Variants in NTRK2 observed in about 807,000 individuals in gnomAD.
NTRK2 encodes BDNF/NT-3 growth factors receptor.
NTRK2 carries 13 observed loss-of-function variants against 94.5 expected under a neutral mutation model. That is an observed-to-expected ratio of 0.14 (90% CI 0.09 to 0.22). The LOEUF is 0.22. Ranked by LOEUF, NTRK2 falls within the 10% of genes least tolerant of loss-of-function variation. The pLI is 1.00. For missense variants in NTRK2, 639 were observed against 1,071.2 expected (o/e 0.60, Z 5.63); for synonymous variants, 372 against 407.4 (o/e 0.91, Z 1.05).
chr9:84,959,924 T>C (rs1253068899), intron 17 of NTRK2, among the ~76,000 whole-genome samples: 2 of 152,202 alleles, frequency 1.3e-5, no homozygotes, highest in Admixed American at 1.3e-4. Flanking sequence ...ATGCTTAAAA[T>C]GTATGTGATC....
At chr9:84,803,454 G>A (rs2070736841) in intron 12 of NTRK2, among the ~76,000 whole-genome samples, 1 of 152,208 alleles carries the variant, frequency 6.6e-6, no homozygotes, top group Non-Finnish European at 1.5e-5. Flanking sequence ...ACCTTGGTCT[G>A]GGAGCAGGAG....
chr9:84,897,481 C>T (rs987472151), intron 14 of NTRK2, among the ~76,000 whole-genome samples: 2 of 152,146 alleles, frequency 1.3e-5, no homozygotes, highest in African/African-American at 4.8e-5. Context: ...CCCAGGGGTT[C>T]CCCCTGTGGT....
intron 5 of NTRK2, 132 bp from the exon 6 acceptor site, chr9:84,710,505 T>C: frequency 2.3e-6 from 2 of 881,244 alleles, no homozygotes; most frequent in Non-Finnish European, 3.7e-6. Flanking sequence ...AGTACTGTCA[T>C]GCTATGAAAG....
chr9:84,819,570 A>G (rs1178010923), intron 12 of NTRK2, among the ~76,000 whole-genome samples: 3 of 152,206 alleles, frequency 2.0e-5, no homozygotes, highest in South Asian at 2.1e-4. Flanking sequence ...TGCCACGTCT[A>G]ATTACATGCA....
At chr9:84,820,169 C>CTTTTT (rs902886137) in intron 12 of NTRK2, among the ~76,000 whole-genome samples, 14 of 132,506 alleles carry the variant, frequency 1.1e-4, no homozygotes, top group South Asian at 2.4e-4. Context: ...TTCTTTCTTT[C>CTTTTT]TTTTTTTTTT....
intron 12 of NTRK2, among the ~76,000 whole-genome samples, chr9:84,787,942 C>A (rs1407884560): frequency 1.3e-5 from 2 of 152,122 alleles, no homozygotes; most frequent in African/African-American, 4.8e-5. Context: ...TGTTATTCAC[C>A]TTTCTGTGCC....
At chr9:84,898,471 T>C (rs1053317812) in intron 14 of NTRK2, among the ~76,000 whole-genome samples, 1 of 151,792 alleles carries the variant, frequency 6.6e-6, no homozygotes, top group Admixed American at 6.6e-5. Context: ...GGTTATCTAG[T>C]GTTTTCAGTT....
At chr9:84,994,965 C>A (rs1829560678) in intron 17 of NTRK2, among the ~76,000 whole-genome samples, 1 of 152,134 alleles carries the variant, frequency 6.6e-6, no homozygotes. Flanking sequence ...AAAACATGCT[C>A]CAACTGAGGA....
intron 12 of NTRK2, among the ~76,000 whole-genome samples, chr9:84,763,427 C>T (rs2132682819): frequency 6.6e-6 from 1 of 152,192 alleles, no homozygotes; most frequent in East Asian, 1.9e-4. Context: ...CATCTTCTTC[C>T]ACATACTTTT....
chr9:84,745,906 T>C (rs556378016), intron 11 of NTRK2, among the ~76,000 whole-genome samples: 15 of 152,268 alleles, frequency 9.9e-5, no homozygotes, highest in African/African-American at 3.6e-4. Flanking sequence ...GGAAGTCACA[T>C]GATCCCAGGG....
chr9:84,802,992 C>T (rs557351638), intron 12 of NTRK2, among the ~76,000 whole-genome samples: 32 of 152,224 alleles, frequency 2.1e-4, no homozygotes, highest in African/African-American at 7.2e-4. Context: ...GTATGCCTCC[C>T]AGGATCTGAT....
rs202197303 is a variant in NTRK2 at position 84,873,007 on chromosome 9, C to T, written c.1633+5576C>T. The T allele has an allele frequency of 2.4e-5, 25 of 1,063,622 alleles. No homozygotes were observed. The African/African-American group carries it at 3.6e-4, about 15-fold the overall frequency. The allele number at this position is 1,063,622 out of a possible 1,614,324, so 65.9% of individuals were successfully genotyped here. On this transcript the variant is annotated intron_variant, in intron 14 of 18. Transcript: ENST00000277120. ...CATATTTGCAACATTACTTTGAGTA[C>T]ACATGAGCAAAAATTCTGAATTACA... is the stretch of plus-strand genomic sequence containing the variant.
intron 14 of NTRK2, among the ~76,000 whole-genome samples, chr9:84,903,571 G>A (rs536224153): frequency 3.9e-4 from 59 of 152,268 alleles, no homozygotes; most frequent in African/African-American, 1.2e-3. Flanking sequence ...TAGGAAAGGA[G>A]GCCAGATAGG....
chr9:84,798,912 C>CTA (rs57167822), intron 12 of NTRK2, among the ~76,000 whole-genome samples: 3,230 of 127,894 alleles, frequency 0.025, 78 homozygotes, highest in Non-Finnish European at 0.031. Flanking sequence ...CTTCTAAGTG[C>CTA]TATATATATA....
intron 4 of NTRK2, among the ~76,000 whole-genome samples, chr9:84,707,178 T>C (rs2061157453): frequency 6.6e-6 from 1 of 152,304 alleles, no homozygotes; most frequent in Non-Finnish European, 1.5e-5. Context: ...TTTTTTTTAG[T>C]CACAAATATA....
chr9:84,869,830 G>A lies in NTRK2; in HGVS notation c.1633+2399G>A, dbSNP rs566614116. Among the ~76,000 whole-genome samples the A allele has an allele frequency of 1.4e-4, 22 of 151,736 alleles. No homozygotes were observed. The South Asian group carries it at 4.6e-3, about 32-fold the overall frequency. On this transcript the variant is annotated intron_variant, in intron 14 of 18. Coordinates refer to ENST00000277120, the MANE Select transcript of NTRK2 (RefSeq NM_006180.6). ...AAGATGACTCATAATCATTTTCATT[G>A]GTTTTATTCCTATCAAACTTGCCTA... is the stretch of plus-strand genomic sequence containing the variant.
intron 17 of NTRK2, among the ~76,000 whole-genome samples, chr9:84,980,308 A>T (rs1184907186): frequency 1.3e-5 from 2 of 152,190 alleles, no homozygotes; most frequent in East Asian, 3.8e-4. Flanking sequence ...TACTATTTTA[A>T]ATAGCTGTGC....
At chr9:84,758,299 A>G (rs2065250645) in intron 12 of NTRK2, among the ~76,000 whole-genome samples, 2 of 152,048 alleles carry the variant, frequency 1.3e-5, no homozygotes, top group African/African-American at 4.8e-5. Context: ...TTCCTGCTCT[A>G]AGGTGGTAAA....
intron 13 of NTRK2, among the ~76,000 whole-genome samples, chr9:84,867,004 A>G (rs2075626737): frequency 6.6e-6 from 1 of 152,204 alleles, no homozygotes. Flanking sequence ...ATGAAATGCC[A>G]GAGAGATAGA....
Sources: allele counts gnomAD v4.1 joint callset (sites outside exome capture counted in the v4.1 genomes callset), GRCh38; gene constraint gnomAD v4.1.1; transcripts MANE v1.5; gene names NCBI Gene and HGNC (gene_info 2026-07-23, HGNC 2026-07-21).